SIRPD: variants seen among roughly 807,000 people sequenced by gnomAD.
The protein encoded by SIRPD is signal regulatory protein delta.
In SIRPD, 21 loss-of-function variants were observed where a neutral mutation model predicts 18.0. The ratio of observed to expected loss-of-function variants is 1.17; its 90% CI spans 0.83 to 1.68. SIRPD has a LOEUF of 1.68. Ranked by LOEUF, SIRPD falls within the 40% of genes most tolerant of loss-of-function variation. The pLI, the probability that SIRPD is intolerant of heterozygous loss-of-function variation, is 0.00. For synonymous variants in SIRPD, 106 were observed against 92.9 expected (o/e 1.14, Z -0.81); for missense variants, 295 against 238.4 (o/e 1.24, Z -1.56).
At chr20:1,544,572 A>G (rs1158784008) in intron 2 of SIRPD, among the ~76,000 whole-genome samples, 3 of 151,662 alleles carry the variant, frequency 2.0e-5, no homozygotes, top group African/African-American at 4.9e-5. Context: ...TCTTTATCCA[A>G]TTTGCCAGTC....
intron 2 of SIRPD, among the ~76,000 whole-genome samples, chr20:1,549,013 A>AT (rs1240924053): frequency 1.3e-5 from 2 of 151,836 alleles, no homozygotes; most frequent in Non-Finnish European, 2.9e-5. Flanking sequence ...GGCTCTGTTC[A>AT]TTTTTTAAAT....
chr20:1,536,608 C>A (rs2090946645), intron 3 of SIRPD, among the ~76,000 whole-genome samples: 1 of 152,118 alleles, frequency 6.6e-6, no homozygotes, highest in South Asian at 2.1e-4. Flanking sequence ...ACTTACTAGT[C>A]TAAAAAGGAC....
chr20:1,555,881 C>T (rs2091038473), intron 1 of SIRPD, among the ~76,000 whole-genome samples: 1 of 152,336 alleles, frequency 6.6e-6, no homozygotes, highest in African/African-American at 2.4e-5. Context: ...CCAAGCTCCA[C>T]TCAAGGTGCC....
intron 2 of SIRPD, among the ~76,000 whole-genome samples, chr20:1,544,652 C>T (rs1279840312): frequency 6.6e-6 from 1 of 152,116 alleles, no homozygotes; most frequent in Non-Finnish European, 1.5e-5. Context: ...GAATTCGATC[C>T]TGTCATTATG....
Position 1,534,306 on chromosome 20 carries a change from A to G in SIRPD, c.*119T>C. 7.3e-7 allele frequency: 1 copy of G among 1,362,382 alleles called. No homozygotes were observed. Among genetic ancestry groups the G allele is most frequent in the Non-Finnish European group, 1.0e-6 (1 of 974,658 alleles). The allele number at this position is 1,362,382 out of a possible 1,614,324, so 84.4% of individuals were successfully genotyped here. The stretch of plus-strand genomic sequence containing the variant: ...TACGATCAAGCTGGCATTTTATGTC[A>G]GTGGAAGAAAGCTCTCTTGAAGAAG... On this transcript the variant is annotated 3_prime_UTR_variant, in exon 4 of 4. Coordinates refer to ENST00000381623, the MANE Select transcript of SIRPD (RefSeq NM_178460.3).
chr20:1,552,353 C>T (rs546689235), intron 1 of SIRPD, among the ~76,000 whole-genome samples: 1 of 152,210 alleles, frequency 6.6e-6, no homozygotes, highest in African/African-American at 2.4e-5. Flanking sequence ...TTTCCCTATC[C>T]ATCTAATTGC....
At position 1,552,008 on chromosome 20, in the gene SIRPD, G is replaced by A. The variant is rs753467977; in HGVS notation, c.104C>T (p.Thr35Met). 33 of 1,613,724 alleles carry A rather than the reference G, an allele frequency of 2.0e-5. No individual in the cohort carries two copies. The highest frequency in any genetic ancestry group is 3.3e-4 in the Middle Eastern group (2 of 6,078). Reference protein sequence around the residue: ...GVTHVFHVQQTEMSQTVSTGE... With the variant: ...GVTHVFHVQQMEMSQTVSTGE... ...AGTTGATACAGTCTGTGACATCTCC[G>A]TTTGTTGCACATGGAACACATGTGT... The change falls in exon 2 of 4, where the codon ACG becomes ATG. Residue 35 changes from threonine to methionine, a missense_variant. Coordinates refer to ENST00000381623, the MANE Select transcript of SIRPD (RefSeq NM_178460.3).
intron 2 of SIRPD, among the ~76,000 whole-genome samples, chr20:1,549,854 A>G (rs2091010930): frequency 6.6e-6 from 1 of 152,148 alleles, no homozygotes. Context: ...CATTAGTTAC[A>G]CCAACTACAA....
rs2091018076 is a variant in SIRPD at position 1,551,362 on chromosome 20, C to T, written c.421+329G>A. 2.0e-5 allele frequency among the ~76,000 whole-genome samples: 3 copies of T among 152,214 alleles called. 1 individual carries two copies. In the South Asian group the frequency reaches 6.2e-4, roughly 32 times the overall value. ...AAGCCTGTCTTTTTCTCTGATAGAC[C>T]CAAACTGGCCAAGTTCAGCCCATAT... On this transcript the variant is annotated intron_variant, in intron 2 of 3. Transcript: ENST00000381623.
In SIRPD at chr20:1,537,154, C is replaced by T. The variant is rs2090949468; in HGVS notation, c.577+1G>A. The stretch of plus-strand genomic sequence containing the variant: ...TGGTACCTGAGGGTGGGGGCACTCA[C>T]CTGTGAGTCCCAGCAGCCGGAGGCA... On this transcript the variant is annotated splice_donor_variant, in intron 3 of 3. Transcript: ENST00000381623. LOFTEE classifies it high-confidence loss of function. 3.7e-6 allele frequency: 6 copies of T among 1,613,534 alleles called. No individual in the cohort carries two copies. Among genetic ancestry groups the T allele is most frequent in the East Asian group, 2.2e-5 (1 of 44,872 alleles).
At chr20:1,547,754 T>C (rs1377690560) in intron 2 of SIRPD, among the ~76,000 whole-genome samples, 1 of 152,244 alleles carries the variant, frequency 6.6e-6, no homozygotes, top group Non-Finnish European at 1.5e-5. Context: ...ATCTTAAGAA[T>C]GTTAAATCTT....
chr20:1,553,574 G>A (rs562502054), intron 1 of SIRPD, among the ~76,000 whole-genome samples: 2 of 152,112 alleles, frequency 1.3e-5, no homozygotes, highest in African/African-American at 2.4e-5. Context: ...AGGTTTCTTC[G>A]TAAAACCTTA....
At chr20:1,544,067 T>C (rs931254221) in intron 2 of SIRPD, among the ~76,000 whole-genome samples, 2 of 152,228 alleles carry the variant, frequency 1.3e-5, no homozygotes, top group African/African-American at 2.4e-5. Flanking sequence ...GATATGGTGC[T>C]GAGAAGAATG....
intron 2 of SIRPD, among the ~76,000 whole-genome samples, chr20:1,544,771 A>G (rs947063580): frequency 6.6e-6 from 1 of 152,008 alleles, no homozygotes; most frequent in South Asian, 2.1e-4. Context: ...TTTCCTTTCC[A>G]TATTTAGTAC....
In SIRPD at chr20:1,542,507, G is replaced by A. The variant is rs538140617; in HGVS notation, c.422-5197C>T. On this transcript the variant is annotated intron_variant, in intron 2 of 3. Coordinates refer to ENST00000381623, the MANE Select transcript of SIRPD (RefSeq NM_178460.3). ...TGATTTTGTATCCTGAGACTTTGTC[G>A]AATTTGCTTATTAGCTTAAGGAGTT... 5.9e-5 allele frequency among the ~76,000 whole-genome samples: 9 copies of A among 152,278 alleles called. No homozygotes were observed. The South Asian group carries it at 8.3e-4, about 14-fold the overall frequency.
At chr20:1,550,838 A>G (rs1282220679) in intron 2 of SIRPD, among the ~76,000 whole-genome samples, 3 of 152,172 alleles carry the variant, frequency 2.0e-5, no homozygotes, top group African/African-American at 7.2e-5. Flanking sequence ...TGTAGATAAT[A>G]TAGATGAAAT....
chr20:1,550,107 C>T (rs1269601514), intron 2 of SIRPD, among the ~76,000 whole-genome samples: 2 of 152,308 alleles, frequency 1.3e-5, no homozygotes, highest in Non-Finnish European at 2.9e-5. Flanking sequence ...GAAGAGTCTA[C>T]CTGGGTTCCA....
chr20:1,553,138 C>T (rs1195528790), intron 1 of SIRPD, among the ~76,000 whole-genome samples: 3 of 152,188 alleles, frequency 2.0e-5, no homozygotes. Flanking sequence ...GACTCAACCC[C>T]TATGGGAAGG....
intron 2 of SIRPD, among the ~76,000 whole-genome samples, chr20:1,551,108 G>A (rs955723659): frequency 6.6e-6 from 1 of 152,186 alleles, no homozygotes; most frequent in Non-Finnish European, 1.5e-5. Context: ...GCAAGGAGAT[G>A]TTTTCTTTCA....
Sources: gnomAD v4.1 joint callset for allele counts (sites outside exome capture counted in the v4.1 genomes callset) on GRCh38, gnomAD v4.1.1 for gene constraint, MANE v1.5 for transcripts, NCBI Gene and HGNC (gene_info 2026-07-23, HGNC 2026-07-21) for gene names.